Variants in DRAM1 observed in about 807,000 individuals in gnomAD.
DRAM1 encodes the protein DNA damage-regulated autophagy modulator protein 1.
In DRAM1, 25 loss-of-function variants were observed where a neutral mutation model predicts 28.5. The observed-to-expected ratio is 0.88, with a 90% confidence interval of 0.64 to 1.23. The LOEUF (loss-of-function observed/expected upper bound fraction) is 1.23. DRAM1 is among the 50% of genes most tolerant of loss of function. The pLI, the probability that DRAM1 is intolerant of heterozygous loss-of-function variation, is 0.00. For missense variants in DRAM1, 249 were observed against 299.2 expected, an observed-to-expected ratio of 0.83 and a Z score of 1.24; for synonymous variants, 113 against 114.2, an observed-to-expected ratio of 0.99 and a Z score of 0.07.
chr12:101,901,868 CAAAAA>C (rs57574986), intron 3 of DRAM1, among the ~76,000 whole-genome samples: 1 of 114,360 alleles, frequency 8.7e-6, no homozygotes, highest in African/African-American at 3.1e-5. Flanking sequence ...GACTCTATCT[CAAAAA>C]AAAAAAAAAA....
At position 101,890,328 on chromosome 12, in the gene DRAM1, C is replaced by T. The variant is rs186339242; in HGVS notation, c.132-7535C>T. On this transcript the variant is annotated intron_variant, in intron 1 of 6. Transcript: ENST00000258534. ...CTCCTGACCTCAGGTGATCTGCCTG[C>T]CTTGGCCTCCCAAAGTGCTGGGATG... 5.6e-4 allele frequency: 141 copies of T among 251,226 alleles called. 1 individual carries two copies. Among genetic ancestry groups the T allele is most frequent in the African/African-American group, 3.2e-3 (136 of 42,560 alleles). 15.6% of individuals were successfully genotyped at this position (251,226 alleles called of 1,614,324 possible).
rs1336477286 is a variant in DRAM1 at position 101,920,216 on chromosome 12, A to G, written c.672+15A>G. 1.6e-5 allele frequency: 25 copies of G among 1,573,946 alleles called. No homozygotes were observed. The East Asian group carries it at 4.9e-4, about 31-fold the overall frequency. On this transcript the variant is annotated intron_variant, in intron 6 of 6. Transcript: ENST00000258534. ...AAGATTTCCAGGTAGGTGTTTATCA[A>G]TTCAAATGTTTTAAATTGCGGACAA...
intron 1 of DRAM1, among the ~76,000 whole-genome samples, chr12:101,893,902 C>G (rs1437919936): frequency 2.0e-5 from 3 of 149,908 alleles, no homozygotes; most frequent in Non-Finnish European, 4.4e-5. Context: ...CTGAGCTTCC[C>G]TTCACCTGTA....
At chr12:101,901,464 A>G (rs1180057348) in intron 3 of DRAM1, 31 bp downstream of exon 3, 1 of 1,610,698 alleles carries the variant, frequency 6.2e-7, no homozygotes. Flanking sequence ...AGTTATGAGG[A>G]GTGGTGGAGT....
chr12:101,908,347 C>T lies in DRAM1; in HGVS notation c.504C>T (p.Cys168=), dbSNP rs201328131. 56 of 1,609,962 alleles carry T rather than the reference C, an allele frequency of 3.5e-5. No homozygotes were observed. Among genetic ancestry groups the T allele is most frequent in the African/African-American group, 9.4e-5 (7 of 74,814 alleles). Residue 168 remains cysteine, a synonymous_variant, in exon 4 of 7, where the codon TGC becomes TGT. Coordinates refer to ENST00000258534, the MANE Select transcript of DRAM1 (RefSeq NM_018370.3). The part of the protein sequence containing the change: ...HIRMVISAVS[C]AAVIPMIVCA... ...GGATGGTCATCTCTGCCGTTTCTTGCGCAGCTGTCATCCCCAGTATCCTTT... is the reference window on the plus strand; with the variant it reads ...GGATGGTCATCTCTGCCGTTTCTTGTGCAGCTGTCATCCCCAGTATCCTTT...
At position 101,923,187 on chromosome 12, in the gene DRAM1, T is replaced by G. The variant is rs1223151355; in HGVS notation, c.*1927T>G. 6.6e-6 allele frequency: 1 copy of G among 152,244 alleles called. No homozygotes were observed. Among genetic ancestry groups the G allele is most frequent in the Non-Finnish European group, 1.5e-5 (1 of 68,052 alleles). The allele number at this position is 152,244 out of a possible 1,614,324, so 9.4% of individuals were successfully genotyped here. A position where few individuals can be genotyped will look rare whatever the true frequency, so the allele number is the denominator to read the frequency against. ...GTGCTGGGGATCCCCCTTGTAACAC[T>G]GGAACTGAAAGACAGTGATGAAAGC... On this transcript the variant is annotated 3_prime_UTR_variant, in exon 7 of 7. Coordinates refer to ENST00000258534, the MANE Select transcript of DRAM1 (RefSeq NM_018370.3).
chr12:101,883,765 A>G (rs575093813), intron 1 of DRAM1, among the ~76,000 whole-genome samples: 2 of 151,362 alleles, frequency 1.3e-5, no homozygotes, highest in South Asian at 2.1e-4. Flanking sequence ...GTGAAACCCT[A>G]TCTCTACTAA....
intron 1 of DRAM1, among the ~76,000 whole-genome samples, chr12:101,892,369 G>A (rs1873166650): frequency 1.3e-5 from 2 of 150,602 alleles, no homozygotes; most frequent in African/African-American, 4.9e-5. Context: ...CTGAGTAGCT[G>A]GGATTACAGG....
At chr12:101,892,962 A>G (rs4764663) in intron 1 of DRAM1, among the ~76,000 whole-genome samples, 97,078 of 152,114 alleles carry the variant, frequency 0.64, 32,614 homozygotes, top group East Asian at 0.91. Flanking sequence ...TGTTGTGTCA[A>G]CACTGTTGTA....
intron 4 of DRAM1, among the ~76,000 whole-genome samples, chr12:101,912,703 G>A (rs1188083405): frequency 2.2e-4 from 33 of 151,820 alleles, no homozygotes; most frequent in Admixed American, 2.2e-3. Flanking sequence ...TGAATTCAGA[G>A]GAGGCTCTAA....
At chr12:101,887,251 A>G (rs1030823513) in intron 1 of DRAM1, among the ~76,000 whole-genome samples, 7 of 152,160 alleles carry the variant, frequency 4.6e-5, no homozygotes, top group Admixed American at 4.6e-4. Context: ...AGCTGTAAAG[A>G]TTTAGGAAAC....
intron 4 of DRAM1, among the ~76,000 whole-genome samples, chr12:101,913,695 G>C (rs1051628868): frequency 1.7e-5 from 2 of 117,208 alleles, no homozygotes; most frequent in African/African-American, 3.4e-5. Context: ...GACAGAGCGA[G>C]AGTACGTCTC....
Position 101,923,207 on chromosome 12 carries a change from G to A in DRAM1, c.*1947G>A, listed in dbSNP as rs1489807336. ...AACACTGGAACTGAAAGACAGTGATGAAAGCTATGTCAAGCATTCATTATT... is the reference window on the plus strand; with the variant it reads ...AACACTGGAACTGAAAGACAGTGATAAAAGCTATGTCAAGCATTCATTATT... On this transcript the variant is annotated 3_prime_UTR_variant, in exon 7 of 7. Transcript: ENST00000258534. The A allele has an allele frequency of 6.6e-6, 1 of 152,240 alleles. No individual in the cohort carries two copies. Among genetic ancestry groups the A allele is most frequent in the Non-Finnish European group, 1.5e-5 (1 of 68,052 alleles). 9.4% of individuals were successfully genotyped at this position (152,240 alleles called of 1,614,324 possible).
intron 1 of DRAM1, among the ~76,000 whole-genome samples, chr12:101,895,913 G>A (rs1332519508): frequency 6.6e-6 from 1 of 151,484 alleles, no homozygotes; most frequent in Admixed American, 6.6e-5. Flanking sequence ...TTGAGACGGA[G>A]TCTTGCTCTG....
chr12:101,911,097 G>A (rs776573544), intron 4 of DRAM1, among the ~76,000 whole-genome samples: 8 of 152,024 alleles, frequency 5.3e-5, no homozygotes, highest in East Asian at 1.9e-4. Flanking sequence ...TTAGCCAAGC[G>A]TGGTGGCGTA....
At chr12:101,890,730 AG>A (rs1357782715) in intron 1 of DRAM1, among the ~76,000 whole-genome samples, 1 of 147,572 alleles carries the variant, frequency 6.8e-6, no homozygotes, top group Non-Finnish European at 1.5e-5. Flanking sequence ...ATATAGCTGA[AG>A]GGTGCCCCCG....
chr12:101,886,197 A>G (rs573989982), intron 1 of DRAM1, among the ~76,000 whole-genome samples: 1 of 152,138 alleles, frequency 6.6e-6, no homozygotes, highest in South Asian at 2.1e-4. Context: ...ATTGTTGACT[A>G]TTTACAATAT....
At chr12:101,896,423 T>C (rs764557288) in intron 1 of DRAM1, among the ~76,000 whole-genome samples, 1 of 152,156 alleles carries the variant, frequency 6.6e-6, no homozygotes, top group Non-Finnish European at 1.5e-5. Context: ...AGTTTTAAAG[T>C]GAGCAGCCTG....
chr12:101,885,411 G>A (rs2121020001), intron 1 of DRAM1, among the ~76,000 whole-genome samples: 1 of 151,978 alleles, frequency 6.6e-6, no homozygotes, highest in African/African-American at 2.4e-5. Context: ...GAAGCAGGTT[G>A]TCTGTGAATG....
Sources: gnomAD v4.1 joint callset for allele counts (sites outside exome capture counted in the v4.1 genomes callset) on GRCh38, gnomAD v4.1.1 for gene constraint, MANE v1.5 for transcripts, NCBI Gene and HGNC (gene_info 2026-07-23, HGNC 2026-07-21) for gene names.